Variants in ZNF251 observed in about 807,000 individuals in gnomAD.
The protein encoded by ZNF251 is zinc finger protein 251.
Under a neutral mutation model 13.5 loss-of-function variants are expected in ZNF251, and 14 were observed. The ratio of observed to expected loss-of-function variants is 1.04; its 90% CI spans 0.69 to 1.63. The LOEUF (loss-of-function observed/expected upper bound fraction) is 1.63. Among genes scored for constraint, ZNF251 ranks in the 40% most tolerant of loss-of-function variants. The pLI, the probability that ZNF251 is intolerant of heterozygous loss-of-function variation, is 0.00. For missense variants in ZNF251, 764 were observed against 834.9 expected, an observed-to-expected ratio of 0.92 and a Z score of 1.05; for synonymous variants, 287 against 295.2, an observed-to-expected ratio of 0.97 and a Z score of 0.28.
intron 4 of ZNF251, among the ~76,000 whole-genome samples, chr8:144,748,638 A>G (rs938708516): frequency 1.3e-5 from 2 of 151,928 alleles, no homozygotes; most frequent in Non-Finnish European, 2.9e-5. Context: ...ACAGCTCACT[A>G]CAACCTCAAC....
chr8:144,747,689 T>A (rs1483242523), intron 4 of ZNF251, among the ~76,000 whole-genome samples: 3 of 151,994 alleles, frequency 2.0e-5, no homozygotes, highest in Non-Finnish European at 4.4e-5. Flanking sequence ...CTCGGCTGAC[T>A]GCAACCTCTG....
intron 4 of ZNF251, among the ~76,000 whole-genome samples, chr8:144,747,946 G>A (rs1824506038): frequency 6.6e-6 from 1 of 152,066 alleles, no homozygotes; most frequent in African/African-American, 2.4e-5. Flanking sequence ...GTCTCACTCA[G>A]TTGCCCAGCC....
intron 4 of ZNF251, among the ~76,000 whole-genome samples, chr8:144,733,964 T>C (rs1371873375): frequency 6.6e-6 from 1 of 152,216 alleles, no homozygotes; most frequent in Admixed American, 6.5e-5. Context: ...CAACTACATC[T>C]GGGAAGACAG....
chr8:144,722,312 G>C lies in ZNF251; in HGVS notation c.1348C>G (p.Gln450Glu), dbSNP rs766778712. 7.4e-6 allele frequency: 12 copies of C among 1,613,422 alleles called. No individual in the cohort carries two copies. Among genetic ancestry groups the C allele is most frequent in the Non-Finnish European group, 2.5e-6 (3 of 1,179,642 alleles). Residue 450 changes from glutamine (Q) to glutamate (E), a missense_variant, in exon 5 of 5, where the codon CAG becomes GAG. Coordinates refer to ENST00000292562, the MANE Select transcript of ZNF251 (RefSeq NM_138367.2). The surrounding 1 kb of genome is among the most constrained non-coding windows in gnomAD (Gnocchi z 4.8). ...TCCCCAGTGTGAACTCTTCGATGCT[G>C]AACAAGAGTGGAACTCCGACGAAAG... ...KAFRRSSTLV[Q>E]HRRVHTGEKP...
At chr8:144,749,650 A>G (rs1208317566) in intron 4 of ZNF251, among the ~76,000 whole-genome samples, 2 of 151,848 alleles carry the variant, frequency 1.3e-5, no homozygotes, top group Non-Finnish European at 2.9e-5. Context: ...ATTATATGTA[A>G]TTCCATTTTG....
intron 4 of ZNF251, among the ~76,000 whole-genome samples, chr8:144,733,922 G>T (rs117598936): frequency 1.3e-5 from 2 of 152,238 alleles, no homozygotes; most frequent in Non-Finnish European, 2.9e-5. Context: ...CTTCAGCTGC[G>T]CCTGGCTGAC....
chr8:144,754,800 T>TTAC lies in ZNF251; in HGVS notation c.-75_-73dup. 6.4e-7 allele frequency: 1 copy of TTAC among 1,572,890 alleles called. No homozygotes were observed. Among genetic ancestry groups the TTAC allele is most frequent in the Non-Finnish European group, 8.6e-7 (1 of 1,160,002 alleles). ...GCCCTGGCCTGAAGTCTCCCCGAAC[T>TTAC]TACCTTCAGTGGGGAGAACTCAGGC... On this transcript the variant is annotated 5_prime_UTR_variant, in exon 2 of 5. Coordinates refer to ENST00000292562, the MANE Select transcript of ZNF251 (RefSeq NM_138367.2).
chr8:144,736,482 T>C (rs1191926000), intron 4 of ZNF251, among the ~76,000 whole-genome samples: 1 of 150,018 alleles, frequency 6.7e-6, no homozygotes, highest in Non-Finnish European at 1.5e-5. Flanking sequence ...TTTATTTATT[T>C]ATTTATTTAT....
chr8:144,728,416 C>T (rs961888283), intron 4 of ZNF251, among the ~76,000 whole-genome samples: 1 of 152,144 alleles, frequency 6.6e-6, no homozygotes, highest in African/African-American at 2.4e-5. Context: ...GCAATCCCAG[C>T]ACCTTGGGAG....
In ZNF251 at chr8:144,726,917, G is replaced by T. The variant is rs192273272; in HGVS notation, c.278-3535C>A. Among the ~76,000 whole-genome samples, 52 of 152,192 alleles carry T rather than the reference G, an allele frequency of 3.4e-4. No homozygotes were observed. The East Asian group carries it at 3.9e-3, about 11-fold the overall frequency. ...AAAAAAAGAAAACTTAGCTGGGCATGGTGGTGCACACCTGTAGTCCCATCT... is the reference window on the plus strand; with the variant it reads ...AAAAAAAGAAAACTTAGCTGGGCATTGTGGTGCACACCTGTAGTCCCATCT... On this transcript the variant is annotated intron_variant, in intron 4 of 4. Coordinates refer to ENST00000292562, the MANE Select transcript of ZNF251 (RefSeq NM_138367.2).
chr8:144,753,113 A>G (rs745592724), intron 4 of ZNF251, among the ~76,000 whole-genome samples: 4 of 151,744 alleles, frequency 2.6e-5, no homozygotes, highest in Non-Finnish European at 5.9e-5. Flanking sequence ...TCTCAACAAA[A>G]ATAAAAAAAA....
chr8:144,754,194 A>C lies in ZNF251; in HGVS notation c.161T>G (p.Leu54Arg). ...AGGCCAAGTGCAGAGAGCCTCACCC[A>C]GAGAGGCCACGTTCCCATAGTTCTC... ...MLENYGNVASLGFPVPKPELI... is the reference protein window; with the variant it reads ...MLENYGNVASRGFPVPKPELI... Residue 54 changes from leucine (L) to arginine (R), a missense_variant and splice_region_variant, in exon 3 of 5, where the codon CTG becomes CGG. Leu to Arg is a moderately radical substitution (Grantham distance 102). Coordinates refer to ENST00000292562, the MANE Select transcript of ZNF251 (RefSeq NM_138367.2). 1 of 1,612,984 alleles carries C rather than the reference A, an allele frequency of 6.2e-7. No individual in the cohort carries two copies.
intron 4 of ZNF251, among the ~76,000 whole-genome samples, chr8:144,729,029 A>C (rs1156518929): frequency 7.0e-6 from 1 of 142,514 alleles, no homozygotes; most frequent in Non-Finnish European, 1.5e-5. Context: ...CGGAGGTTGC[A>C]GTGAGCTGAG....
At chr8:144,732,779 T>C (rs185038172) in intron 4 of ZNF251, among the ~76,000 whole-genome samples, 2,013 of 136,466 alleles carry the variant, frequency 0.015, 40 homozygotes, top group African/African-American at 0.051. Flanking sequence ...ACCACTGCAC[T>C]CCAGCCTGGG....
intron 2 of ZNF251, 148 bp downstream of exon 2, chr8:144,754,548 G>A: frequency 6.9e-7 from 1 of 1,451,912 alleles, no homozygotes; most frequent in Non-Finnish European, 9.1e-7. Flanking sequence ...AGGAGGGCGA[G>A]TCTACCTCTC....
chr8:144,755,164 C>T, intron 1 of ZNF251: 1 of 1,178,812 alleles, frequency 8.5e-7, no homozygotes. Flanking sequence ...AAGGAGGCCG[C>T]GGGGATGCTG....
chr8:144,737,965 C>T (rs947463500), intron 4 of ZNF251, among the ~76,000 whole-genome samples: 2 of 150,736 alleles, frequency 1.3e-5, no homozygotes, highest in African/African-American at 4.9e-5. Flanking sequence ...AATCGTTAAA[C>T]ATAAACTGCT....
intron 4 of ZNF251, among the ~76,000 whole-genome samples, chr8:144,752,621 T>C (rs1326478144): frequency 6.6e-6 from 1 of 152,246 alleles, no homozygotes; most frequent in Admixed American, 6.5e-5. Context: ...CAATTTTGAA[T>C]GTGCACAAAT....
rs1441379910 is a variant in ZNF251 at position 144,722,360 on chromosome 8, CAT to C, written c.1298_1299del (p.Tyr433CysfsTer3). 5 of 1,613,982 alleles carry C rather than the reference CAT, an allele frequency of 3.1e-6. No homozygotes were observed. The highest frequency in any genetic ancestry group is 4.2e-6 in the Non-Finnish European group (5 of 1,179,890). ...AAGGCTTTGCCGCACTCATTACAAA[CAT>C]AGGGTTTTTCTCCTGTGTGAATCCT... ...HVRIHTGEKP[Y>X]VCNECGKAFR... On this transcript the variant is annotated frameshift_variant, in exon 5 of 5. Coordinates refer to ENST00000292562, the MANE Select transcript of ZNF251 (RefSeq NM_138367.2). LOFTEE classifies it low-confidence loss of function (END_TRUNC). This position sits in a 1 kb window ranked among gnomAD's most constrained non-coding sequence, Gnocchi z 4.8.
Sources: gnomAD v4.1 joint callset for allele counts (sites outside exome capture counted in the v4.1 genomes callset) on GRCh38, gnomAD v4.1.1 for gene constraint, Gnocchi (gnomAD v3.1) non-coding constraint, MANE v1.5 for transcripts, NCBI Gene and HGNC (gene_info 2026-07-23, HGNC 2026-07-21) for gene names.